NAV1: variants seen among roughly 807,000 people sequenced by gnomAD.
NAV1 encodes pore membrane and/or filament interacting like protein 3.
A neutral mutation model predicts 175.2 loss-of-function variants in NAV1; 18 were observed. The observed-to-expected ratio is 0.10, with a 90% CI of 0.07 to 0.15. The LOEUF is 0.15. Among genes scored for constraint, NAV1 ranks in the 10% least tolerant of loss-of-function variants. The pLI is 1.00. For synonymous variants in NAV1, 897 were observed against 978.7 expected (o/e 0.92, Z 1.56); for missense variants, 1,731 against 2,436.6 (o/e 0.71, Z 6.10).
intron 3 of NAV1, among the ~76,000 whole-genome samples, chr1:201,725,497 G>A (rs1226011352): frequency 1.3e-5 from 2 of 152,008 alleles, no homozygotes; most frequent in African/African-American, 4.8e-5. Flanking sequence ...GATACCCTGG[G>A]CATGGCAGCA....
intron 2 of NAV1, among the ~76,000 whole-genome samples, chr1:201,611,757 T>C (rs912591809): frequency 2.0e-5 from 3 of 152,196 alleles, no homozygotes; most frequent in Admixed American, 6.5e-5. Context: ...AGCACACTGC[T>C]GGAGGCCTGG....
chr1:201,596,876 A>G (rs1667362893), intron 2 of NAV1, among the ~76,000 whole-genome samples: 1 of 152,024 alleles, frequency 6.6e-6, no homozygotes, highest in Non-Finnish European at 1.5e-5. Context: ...CCCAGGCTGG[A>G]GTGCAATGGC....
intron 1 of NAV1, among the ~76,000 whole-genome samples, chr1:201,553,489 G>C (rs1428100881): frequency 1.3e-5 from 2 of 152,170 alleles, no homozygotes; most frequent in Non-Finnish European, 2.9e-5. Context: ...CGAGAAGGAG[G>C]GAATCCTTTT....
intron 2 of NAV1, among the ~76,000 whole-genome samples, chr1:201,605,357 A>AG (rs961174783): frequency 7.9e-5 from 12 of 151,978 alleles, no homozygotes; most frequent in African/African-American, 2.9e-4. Flanking sequence ...GCCAAAAGAG[A>AG]GAAAAAAAAG....
chr1:201,686,879 G>A (rs1188285786), intron 1 of NAV1, among the ~76,000 whole-genome samples: 1 of 152,208 alleles, frequency 6.6e-6, no homozygotes, highest in Admixed American at 6.5e-5. Flanking sequence ...GACAGGAGGA[G>A]GCTCACTTTT....
chr1:201,808,451 G>A lies in NAV1; in HGVS notation c.3879G>A (p.Leu1293=). The A allele has an allele frequency of 6.2e-7, 1 of 1,614,172 alleles. No homozygotes were observed. The highest frequency in any genetic ancestry group is 1.1e-5 in the South Asian group (1 of 91,068). The change falls in exon 19 of 30, where the codon CTG becomes CTA. Residue 1293 remains leucine (L), a synonymous_variant. Coordinates refer to ENST00000367296, the Ensembl canonical transcript of NAV1. The surrounding 1 kb of genome is among the most constrained non-coding windows in gnomAD (Gnocchi z 5.5). ...CTCACCCAGCCCCCCACACTAGGCT[G>A]TTCCATGCAAATGAGGAGGAGGAGC...
At position 201,812,327 on chromosome 1, in the gene NAV1, G is replaced by A. The variant is rs1558194107; in HGVS notation, c.5025-138G>A. 5 of 821,558 alleles carry A rather than the reference G, an allele frequency of 6.1e-6. No individual in the cohort carries two copies. Among genetic ancestry groups the A allele is most frequent in the East Asian group, 5.2e-5 (2 of 38,230 alleles). 50.9% of individuals were successfully genotyped at this position (821,558 alleles called of 1,614,324 possible). On this transcript the variant is annotated intron_variant, in intron 26 of 29. Transcript: ENST00000367296. The surrounding 1 kb of genome is among the most constrained non-coding windows in gnomAD (Gnocchi z 4.6). ...CAGGGCTGCTGCTCTGAGTTCCGATGTCCCCACTATTACTTGAAAAGAAAC... is the reference window on the plus strand; with the variant it reads ...CAGGGCTGCTGCTCTGAGTTCCGATATCCCCACTATTACTTGAAAAGAAAC...
At chr1:201,825,105 A>G (rs1679601430) in exon 30 of NAV1, 1 of 152,144 alleles carries the variant, frequency 6.6e-6, no homozygotes. Flanking sequence ...TATGATTTTA[A>G]CAAAGAAAGG....
chr1:201,660,351 G>T (rs569310387), intron 1 of NAV1, among the ~76,000 whole-genome samples: 7 of 152,224 alleles, frequency 4.6e-5, no homozygotes, highest in Admixed American at 4.6e-4. Flanking sequence ...CTTGCTGCTT[G>T]ACAGGCAGCA....
At position 201,812,404 on chromosome 1, in the gene NAV1, C is replaced by G; in HGVS notation, c.5025-61C>G. On this transcript the variant is annotated intron_variant, in intron 26 of 29. Transcript: ENST00000367296. This position sits in a 1 kb window ranked among gnomAD's most constrained non-coding sequence, Gnocchi z 4.6. ...AGAAGGAGGGACAGACTGGCAGGGG[C>G]TGAACCCTGACAATGTCCCCATTGC... 3.3e-6 allele frequency: 5 copies of G among 1,531,574 alleles called. No homozygotes were observed. The South Asian group carries it at 3.5e-5, about 11-fold the overall frequency. 94.9% of individuals were successfully genotyped at this position (1,531,574 alleles called of 1,614,324 possible). A position where few individuals can be genotyped will look rare whatever the true frequency, so the allele number is the denominator to read the frequency against.
At chr1:201,622,580 C>G (rs1055935380), upstream of NAV1, among the ~76,000 whole-genome samples, 3 of 152,144 alleles carry the variant, frequency 2.0e-5, no homozygotes, top group Non-Finnish European at 4.4e-5. Flanking sequence ...TTAAATGAAG[C>G]CCATTTGTAC....
At position 201,718,715 on chromosome 1, in the gene NAV1, A is replaced by T. The variant is rs1672241353; in HGVS notation, c.1186A>T (p.Met396Leu). Residue 396 changes from methionine (M) to leucine (L), a missense_variant, in exon 3 of 30, where the codon ATG (methionine) becomes TTG (leucine). Met to Leu is a conservative substitution (Grantham distance 15). Around this residue, in one of 13 missense-constraint regions of NAV1, gnomAD observed 487 missense variants for 581.3 expected, o/e 0.84. Coordinates refer to ENST00000367296, the Ensembl canonical transcript of NAV1. The surrounding 1 kb of genome is among the most constrained non-coding windows in gnomAD (Gnocchi z 4.8). ...CGGCTACATGAGCGACAGTGACCTC[A>T]TGGGCAAGACCATGACGGAGGATGA... 6.2e-7 allele frequency: 1 copy of T among 1,614,044 alleles called. No individual in the cohort carries two copies. Among genetic ancestry groups the T allele is most frequent in the South Asian group, 1.1e-5 (1 of 91,076 alleles).
chr1:201,564,984 C>T (rs1666310958), intron 1 of NAV1, among the ~76,000 whole-genome samples: 2 of 152,088 alleles, frequency 1.3e-5, no homozygotes, highest in South Asian at 2.1e-4. Context: ...TTAGATGGAC[C>T]CATTTGCATA....
chr1:201,650,428 G>C (rs909220779), intron 1 of NAV1, among the ~76,000 whole-genome samples: 1 of 152,216 alleles, frequency 6.6e-6, no homozygotes, highest in African/African-American at 2.4e-5. Context: ...GTGCCCAGGC[G>C]AGCTGCTTTG....
intron 2 of NAV1, among the ~76,000 whole-genome samples, chr1:201,605,297 C>T (rs1464643174): frequency 6.6e-6 from 1 of 151,880 alleles, no homozygotes. Context: ...GCCTAGCAAC[C>T]GGCTTCCTAC....
At position 201,649,202 on chromosome 1, in the gene NAV1, C is replaced by T. The variant is rs778302507; in HGVS notation, c.534C>T (p.Pro178=). 7 of 1,612,862 alleles carry T rather than the reference C, an allele frequency of 4.3e-6. No homozygotes were observed. The Admixed American group carries it at 1.2e-4, about 27-fold the overall frequency. Reference sequence around the variant, plus strand: ...AGCCGAGCCGGATCCCTCGAGGACCCTATGCGGAGGTCAAGCCGCTCAGCA... The same window carrying T: ...AGCCGAGCCGGATCCCTCGAGGACCTTATGCGGAGGTCAAGCCGCTCAGCA... The change falls in exon 1 of 30, where the codon CCC becomes CCT. Residue 178 remains proline (P), a synonymous_variant. Transcript: ENST00000367296.
chr1:201,753,236 C>T (rs1674243306), intron 3 of NAV1, among the ~76,000 whole-genome samples: 1 of 152,144 alleles, frequency 6.6e-6, no homozygotes, highest in African/African-American at 2.4e-5. Context: ...GCCACTGTGG[C>T]ATACATACTG....
At chr1:201,715,891 C>A (rs1262563177) in intron 2 of NAV1, among the ~76,000 whole-genome samples, 3 of 152,130 alleles carry the variant, frequency 2.0e-5, no homozygotes, top group Non-Finnish European at 4.4e-5. Context: ...ACTGTGTCCT[C>A]CCCAGAGAAA....
intron 1 of NAV1, among the ~76,000 whole-genome samples, chr1:201,708,520 G>A (rs961607186): frequency 1.3e-5 from 2 of 151,944 alleles, no homozygotes; most frequent in Admixed American, 6.6e-5. Context: ...AAGACAGCAC[G>A]CACTCCCAGG....
Sources: allele counts gnomAD v4.1 joint callset (sites outside exome capture counted in the v4.1 genomes callset), GRCh38; gene constraint gnomAD v4.1.1; regional missense constraint gnomAD v4.1.1; non-coding constraint Gnocchi (gnomAD v3.1); transcripts MANE v1.5; gene names NCBI Gene and HGNC (gene_info 2026-07-23, HGNC 2026-07-21).